Variants in ME3 observed in about 807,000 individuals in gnomAD.
ME3 encodes the protein malic enzyme 3, also known as NADP-dependent malic enzyme, mitochondrial.
ME3 carries 48 observed loss-of-function variants against 68.9 expected under a neutral mutation model. The ratio of observed to expected loss-of-function variants is 0.70; its 90% CI spans 0.55 to 0.89. ME3 has a LOEUF of 0.89. Among genes scored for constraint, ME3 ranks in the 40% least tolerant of loss-of-function variants. ME3 has a pLI of 0.00. For missense variants in ME3, 675 were observed against 797.4 expected, an observed-to-expected ratio of 0.85 and a Z score of 1.85; for synonymous variants, 320 against 318.8, an observed-to-expected ratio of 1.00 and a Z score of -0.04.
At chr11:86,513,270 T>C (rs1020870861) in intron 4 of ME3, among the ~76,000 whole-genome samples, 4 of 152,230 alleles carry the variant, frequency 2.6e-5, no homozygotes, top group African/African-American at 4.8e-5. Context: ...TCTATATGTA[T>C]AATTTCATGC....
chr11:86,662,326 A>G (rs10160338), intron 2 of ME3, among the ~76,000 whole-genome samples: 1 of 152,184 alleles, frequency 6.6e-6, no homozygotes, highest in Non-Finnish European at 1.5e-5. Context: ...CATCTGTCAT[A>G]TAAGAACAAT....
intron 7 of ME3, among the ~76,000 whole-genome samples, chr11:86,470,151 T>G (rs913295295): frequency 6.6e-6 from 1 of 152,166 alleles, no homozygotes; most frequent in African/African-American, 2.4e-5. Flanking sequence ...GGACCTGCCA[T>G]TTTTTCAAAC....
At chr11:86,527,249 G>GGAA (rs1423260255) in intron 4 of ME3, among the ~76,000 whole-genome samples, 3 of 152,148 alleles carry the variant, frequency 2.0e-5, no homozygotes, top group African/African-American at 4.8e-5. Flanking sequence ...TGGATCAACT[G>GGAA]GAAGAAAGGG....
chr11:86,436,392 A>T (rs573052640), downstream of ME3: 7 of 152,116 alleles, frequency 4.6e-5, no homozygotes, highest in South Asian at 1.5e-3. Flanking sequence ...GTAGTTCTTT[A>T]TATATTCCGG....
In ME3 at chr11:86,486,837, G is replaced by A. The variant is rs11234666; in HGVS notation, c.809+500C>T. ...GCCAGTACTGTGAAGCTTCCCCAGT[G>A]AAGAGATGACACCTCATAAATCTTG... On this transcript the variant is annotated intron_variant, in intron 7 of 14. Coordinates refer to ENST00000543262, the Ensembl canonical transcript of ME3. Among the ~76,000 whole-genome samples the A allele has an allele frequency of 3.6e-3, 541 of 152,324 alleles. 1 individual carries two copies. The highest frequency in any genetic ancestry group is 6.6e-3 in the Non-Finnish European group (449 of 68,018).
chr11:86,487,608 G>A (rs1193182683), intron 6 of ME3, among the ~76,000 whole-genome samples, 168 bp from the exon 7 acceptor site: 1 of 152,140 alleles, frequency 6.6e-6, no homozygotes, highest in Non-Finnish European at 1.5e-5. Context: ...AAAGGGTCTG[G>A]AGGCTAAGCC....
intron 2 of ME3, among the ~76,000 whole-genome samples, chr11:86,602,339 C>G (rs1408747460): frequency 3.3e-5 from 5 of 151,542 alleles, no homozygotes; most frequent in East Asian, 3.9e-4. Flanking sequence ...AATCGTGAGT[C>G]AACTCCCATT....
At chr11:86,535,260 A>C (rs1377833773) in intron 4 of ME3, among the ~76,000 whole-genome samples, 1 of 152,134 alleles carries the variant, frequency 6.6e-6, no homozygotes, top group East Asian at 1.9e-4. Flanking sequence ...CCCTACCTTC[A>C]TCTGTTCTTC....
chr11:86,561,062 A>AC (rs1565954327), intron 2 of ME3, among the ~76,000 whole-genome samples: 1 of 152,116 alleles, frequency 6.6e-6, no homozygotes, highest in Non-Finnish European at 1.5e-5. Context: ...CACTGTTGAT[A>AC]CGGACCTTGA....
intron 4 of ME3, among the ~76,000 whole-genome samples, chr11:86,518,364 C>T (rs192985688): frequency 4.3e-4 from 65 of 151,446 alleles, no homozygotes; most frequent in South Asian, 2.9e-3. Flanking sequence ...AGGCTGCGAT[C>T]GACTTGAATA....
At chr11:86,521,431 A>AAAAAAAAAT (rs1271326906) in intron 4 of ME3, among the ~76,000 whole-genome samples, 1 of 145,924 alleles carries the variant, frequency 6.9e-6, no homozygotes, top group African/African-American at 2.6e-5. Context: ...AACAAAACAA[A>AAAAAAAAAT]AATAATAATA....
intron 2 of ME3, among the ~76,000 whole-genome samples, chr11:86,619,674 AC>A (rs1943222726): frequency 6.6e-6 from 1 of 152,158 alleles, no homozygotes; most frequent in African/African-American, 2.4e-5. Flanking sequence ...TTCTGCCATG[AC>A]TGTGAGACTT....
intron 2 of ME3, among the ~76,000 whole-genome samples, chr11:86,571,327 G>A (rs1957776380): frequency 6.6e-6 from 1 of 152,198 alleles, no homozygotes; most frequent in Admixed American, 6.5e-5. Context: ...AAATCTTGGG[G>A]AACCAGCAAT....
chr11:86,660,390 A>C (rs1946196674), intron 2 of ME3, among the ~76,000 whole-genome samples: 1 of 152,232 alleles, frequency 6.6e-6, no homozygotes, highest in Non-Finnish European at 1.5e-5. Context: ...GATGTGCATT[A>C]ATCAAGAACT....
intron 7 of ME3, among the ~76,000 whole-genome samples, chr11:86,478,601 G>T (rs1951216128): frequency 6.6e-6 from 1 of 152,128 alleles, no homozygotes; most frequent in Non-Finnish European, 1.5e-5. Flanking sequence ...AACCTACCAT[G>T]CCTCCCTATT....
chr11:86,588,785 G>A (rs1958886197), intron 2 of ME3, among the ~76,000 whole-genome samples: 1 of 152,148 alleles, frequency 6.6e-6, no homozygotes, highest in South Asian at 2.1e-4. Context: ...GAAAGCCTGG[G>A]TTTCCCTAAG....
At chr11:86,574,603 A>C (rs898947876) in intron 2 of ME3, among the ~76,000 whole-genome samples, 8 of 152,270 alleles carry the variant, frequency 5.3e-5, no homozygotes, top group African/African-American at 1.9e-4. Flanking sequence ...TTCCTCTGGA[A>C]GCTTTGTCCC....
At chr11:86,579,307 G>C (rs1958297056) in intron 2 of ME3, among the ~76,000 whole-genome samples, 1 of 152,176 alleles carries the variant, frequency 6.6e-6, no homozygotes. Context: ...CAGGTGTGCA[G>C]GTCCAAACTT....
chr11:86,534,995 A>T (rs747994581), intron 4 of ME3, among the ~76,000 whole-genome samples: 1 of 152,180 alleles, frequency 6.6e-6, no homozygotes, highest in Admixed American at 6.5e-5. Context: ...CTAATTTTTC[A>T]TAAGTGAATT....
Sources: gnomAD v4.1 joint callset for allele counts (sites outside exome capture counted in the v4.1 genomes callset) on GRCh38, gnomAD v4.1.1 for gene constraint, MANE v1.5 for transcripts, NCBI Gene and HGNC (gene_info 2026-07-23, HGNC 2026-07-21) for gene names.